CDKN2AIPNL: variants seen among roughly 807,000 people sequenced by gnomAD.
The protein encoded by CDKN2AIPNL is CDKN2AIP N-terminal-like protein.
Under a neutral mutation model 12.9 loss-of-function variants are expected in CDKN2AIPNL, and 9 were observed. That is an observed-to-expected ratio of 0.70 (90% CI 0.42 to 1.22). The LOEUF is 1.22. CDKN2AIPNL is among the 50% of genes most tolerant of loss of function. The pLI, the probability that CDKN2AIPNL is intolerant of heterozygous loss-of-function variation, is 0.00. For missense variants in CDKN2AIPNL, 143 were observed against 153.6 expected, an observed-to-expected ratio of 0.93 and a Z score of 0.37; for synonymous variants, 53 against 61.7, an observed-to-expected ratio of 0.86 and a Z score of 0.66.
In CDKN2AIPNL at chr5:134,411,605, G is replaced by A; in HGVS notation, c.239+11C>T. 6.2e-7 allele frequency: 1 copy of A among 1,608,308 alleles called. No homozygotes were observed. Among genetic ancestry groups the A allele is most frequent in the South Asian group, 1.1e-5 (1 of 90,534 alleles). ...AGGGGACAGGATCAGCCGGCCGGCAGGGGTCCGCACCTGCAGCCTAGGAAG... is the reference window on the plus strand; with the variant it reads ...AGGGGACAGGATCAGCCGGCCGGCAAGGGTCCGCACCTGCAGCCTAGGAAG... On this transcript the variant is annotated intron_variant, in intron 1 of 2. Transcript: ENST00000458198.
chr5:134,405,937 T>C (rs1297835934), intron 2 of CDKN2AIPNL, among the ~76,000 whole-genome samples: 1 of 152,150 alleles, frequency 6.6e-6, no homozygotes, highest in Non-Finnish European at 1.5e-5. Context: ...CTTTGTTAAT[T>C]ATCGCTCATT....
chr5:134,411,648 C>G lies in CDKN2AIPNL; in HGVS notation c.207G>C (p.Met69Ile). ...CTAGGAAGAGATGGTTGGCCCAGACCATGGAGAGGGAGAGCAGCTGGTCCA... is the reference window on the plus strand; with the variant it reads ...CTAGGAAGAGATGGTTGGCCCAGACGATGGAGAGGGAGAGCAGCTGGTCCA... Reference protein sequence around the residue: ...GRLDQLLSLSMVWANHLFLGC... With the variant: ...GRLDQLLSLSIVWANHLFLGC... The change falls in exon 1 of 3, where the codon ATG becomes ATC. Residue 69 changes from methionine (M) to isoleucine (I), a missense_variant. Met to Ile is a conservative substitution (Grantham distance 10, BLOSUM62 1). Around this residue, in one of 3 missense-constraint regions of CDKN2AIPNL, gnomAD observed 111 missense variants for 111.4 expected, o/e 1.00. Coordinates refer to ENST00000458198, the MANE Select transcript of CDKN2AIPNL (RefSeq NM_080656.3). 6.2e-7 allele frequency: 1 copy of G among 1,613,042 alleles called. No individual in the cohort carries two copies. Among genetic ancestry groups the G allele is most frequent in the Non-Finnish European group, 8.5e-7 (1 of 1,179,788 alleles).
intron 2 of CDKN2AIPNL, among the ~76,000 whole-genome samples, chr5:134,408,474 C>G (rs891036550): frequency 8.3e-5 from 12 of 144,314 alleles, no homozygotes; most frequent in African/African-American, 2.8e-4. Context: ...TCGAGACCAT[C>G]CTGGCTAACA....
chr5:134,409,096 T>C (rs1374928008), intron 2 of CDKN2AIPNL, among the ~76,000 whole-genome samples: 1 of 152,190 alleles, frequency 6.6e-6, no homozygotes, highest in Non-Finnish European at 1.5e-5. Context: ...ATTTTATAAG[T>C]ATTTTCTGAG....
chr5:134,408,987 C>T (rs559858845), intron 2 of CDKN2AIPNL, among the ~76,000 whole-genome samples: 3 of 152,220 alleles, frequency 2.0e-5, no homozygotes, highest in African/African-American at 7.2e-5. Flanking sequence ...TGCCCCACCT[C>T]CCAAGACAAG....
At position 134,407,921 on chromosome 5, in the gene CDKN2AIPNL, A is replaced by T. The variant is rs146385075; in HGVS notation, c.339+1982T>A. Among the ~76,000 whole-genome samples, 272 of 152,306 alleles carry T rather than the reference A, an allele frequency of 1.8e-3. 1 individual carries two copies. The highest frequency in any genetic ancestry group is 6.3e-3 in the African/African-American group (261 of 41,568). The stretch of plus-strand genomic sequence containing the variant: ...GAAGCTGGGCAGATCACTTGAGGCC[A>T]GGAGTTCAAGACCAGCCTGGACAAC... On this transcript the variant is annotated intron_variant, in intron 2 of 2. Transcript: ENST00000458198.
chr5:134,405,327 G>A (rs575000747), intron 2 of CDKN2AIPNL, among the ~76,000 whole-genome samples: 34 of 148,706 alleles, frequency 2.3e-4, no homozygotes, highest in Admixed American at 3.3e-4. Flanking sequence ...AGATGGTCTC[G>A]ATCTCCTGAC....
chr5:134,405,847 C>G (rs1240778947), intron 2 of CDKN2AIPNL, among the ~76,000 whole-genome samples: 1 of 152,196 alleles, frequency 6.6e-6, no homozygotes, highest in Non-Finnish European at 1.5e-5. Context: ...TCAATCACTC[C>G]TTTCTCCTTA....
chr5:134,410,989 A>C, intron 1 of CDKN2AIPNL: 1 of 701,378 alleles, frequency 1.4e-6, no homozygotes, highest in Non-Finnish European at 2.6e-6. Context: ...GCCAGGATGA[A>C]GTGGGCTTTG....
At chr5:134,410,953 C>T (rs542280431) in intron 1 of CDKN2AIPNL, 93 of 697,414 alleles carry the variant, frequency 1.3e-4, no homozygotes, top group African/African-American at 9.1e-4. Flanking sequence ...ACTTCAAAAG[C>T]GGGCCTTTGT....
At position 134,409,962 on chromosome 5, in the gene CDKN2AIPNL, C is replaced by T. The variant is rs940784440; in HGVS notation, c.280G>A (p.Asp94Asn). 3.1e-6 allele frequency: 5 copies of T among 1,612,916 alleles called. No individual in the cohort carries two copies. Among genetic ancestry groups the T allele is most frequent in the Non-Finnish European group, 4.2e-6 (5 of 1,179,646 alleles). Residue 94 changes from aspartate to asparagine, a missense_variant, in exon 2 of 3, where the codon GAT becomes AAT. Transcript: ENST00000458198. ...GGCAGGTCTTCCACTTCAATCCCATCGGCCATTTCCATCACCTTGTCTAAA... is the reference window on the plus strand; with the variant it reads ...GGCAGGTCTTCCACTTCAATCCCATTGGCCATTTCCATCACCTTGTCTAAA... ...DLLDKVMEMA[D>N]GIEVEDLPQF...
chr5:134,403,544 A>G (rs1759058708), intron 2 of CDKN2AIPNL, among the ~76,000 whole-genome samples: 1 of 152,234 alleles, frequency 6.6e-6, no homozygotes. Context: ...AACATTTAGC[A>G]GTGCAAGTGA....
Position 134,402,823 on chromosome 5 carries a change from T to C in CDKN2AIPNL, c.*92A>G, listed in dbSNP as rs112867704. ...CTCTTTATGTTGGTAATACCAGGAG[T>C]CTTAAGAGAGCTGCTGTGGTCTATG... On this transcript the variant is annotated 3_prime_UTR_variant, in exon 3 of 3. Coordinates refer to ENST00000458198, the MANE Select transcript of CDKN2AIPNL (RefSeq NM_080656.3). The C allele has an allele frequency of 8.7e-7, 1 of 1,145,030 alleles. No homozygotes were observed. The highest frequency in any genetic ancestry group is 1.3e-6 in the Non-Finnish European group (1 of 780,162). The allele number at this position is 1,145,030 out of a possible 1,614,324, so 70.9% of individuals were successfully genotyped here.
Position 134,402,718 on chromosome 5 carries a change from T to G in CDKN2AIPNL, c.*197A>C. ...TTATAAATACATAAATATCCATGCA[T>G]ACTTTTACAGTGATAACTCCTGGGA... On this transcript the variant is annotated 3_prime_UTR_variant, in exon 3 of 3. Coordinates refer to ENST00000458198, the MANE Select transcript of CDKN2AIPNL (RefSeq NM_080656.3). 1 of 455,096 alleles carries G rather than the reference T, an allele frequency of 2.2e-6. No homozygotes were observed. The highest frequency in any genetic ancestry group is 3.9e-6 in the Non-Finnish European group (1 of 256,992). 28.2% of individuals were successfully genotyped at this position (455,096 alleles called of 1,614,324 possible).
Position 134,411,630 on chromosome 5 carries a change from G to A in CDKN2AIPNL, c.225C>T (p.Leu75=), listed in dbSNP as rs777544025. 4.3e-6 allele frequency: 7 copies of A among 1,612,604 alleles called. No individual in the cohort carries two copies. The East Asian group carries it at 1.6e-4, about 36-fold the overall frequency. The change falls in exon 1 of 3, where the codon CTC becomes CTT. Residue 75 remains leucine, a synonymous_variant. Coordinates refer to ENST00000458198, the MANE Select transcript of CDKN2AIPNL (RefSeq NM_080656.3). The stretch of plus-strand genomic sequence containing the variant: ...GGGGTCCGCACCTGCAGCCTAGGAA[G>A]AGATGGTTGGCCCAGACCATGGAGA... The part of the protein sequence containing the change: ...LSLSMVWANH[L]FLGCSYNKDL...
chr5:134,409,669 C>T (rs574936429), intron 2 of CDKN2AIPNL, among the ~76,000 whole-genome samples: 12 of 152,094 alleles, frequency 7.9e-5, no homozygotes, highest in Non-Finnish European at 1.5e-4. Flanking sequence ...CCTAAACAAC[C>T]GGAAGAGGTT....
At chr5:134,403,623 A>G (rs900552349) in intron 2 of CDKN2AIPNL, among the ~76,000 whole-genome samples, 5 of 152,120 alleles carry the variant, frequency 3.3e-5, no homozygotes, top group African/African-American at 7.2e-5. Context: ...TAGACCAGTG[A>G]GTGCTTTTTC....
chr5:134,407,098 C>T (rs770328667), intron 2 of CDKN2AIPNL, among the ~76,000 whole-genome samples: 49 of 152,084 alleles, frequency 3.2e-4, no homozygotes, highest in Non-Finnish European at 6.3e-4. Flanking sequence ...AGTAAGATGG[C>T]GGCACTGGTT....
At chr5:134,410,127 A>G in intron 1 of CDKN2AIPNL, 125 bp from the exon 2 acceptor site, 1 of 624,596 alleles carries the variant, frequency 1.6e-6, no homozygotes, top group South Asian at 2.0e-5. Flanking sequence ...TGCAGGGCAA[A>G]CCTATACATG....
Sources: allele counts gnomAD v4.1 joint callset (sites outside exome capture counted in the v4.1 genomes callset), GRCh38; gene constraint gnomAD v4.1.1; regional missense constraint gnomAD v4.1.1; transcripts MANE v1.5; gene names NCBI Gene and HGNC (gene_info 2026-07-23, HGNC 2026-07-21).